ADGRL3: variants seen among roughly 807,000 people sequenced by gnomAD.
The protein encoded by ADGRL3 is calcium-independent alpha-latrotoxin receptor 3.
Under a neutral mutation model 153.5 loss-of-function variants are expected in ADGRL3, and 62 were observed. The observed-to-expected ratio is 0.40, with a 90% CI of 0.33 to 0.50. ADGRL3 has a LOEUF of 0.50. Among genes scored for constraint, ADGRL3 ranks in the 20% least tolerant of loss-of-function variants. ADGRL3 has a pLI of 0.47. For missense variants in ADGRL3, 1,641 were observed against 1,859.4 expected (o/e 0.88, Z 2.16); for synonymous variants, 710 against 672.5 (o/e 1.06, Z -0.86).
At chr4:61,629,721 CAAAAAAAAAAAAAAAAAAAAAAAAAA>C (rs59504485) in intron 5 of ADGRL3, among the ~76,000 whole-genome samples, 26 of 33,446 alleles carry the variant, frequency 7.8e-4, no homozygotes, top group Admixed American at 1.9e-3. Flanking sequence ...CGTCTCGGGG[CAAAAAAAAAAAAAAAAAAAAAAAAAA>C]AAAAAAAAAA....
intron 5 of ADGRL3, among the ~76,000 whole-genome samples, chr4:61,606,674 T>C (rs2099033676): frequency 2.0e-5 from 3 of 152,106 alleles, no homozygotes; most frequent in African/African-American, 7.2e-5. Flanking sequence ...CTTTATTATA[T>C]GAATTTGGGG....
In ADGRL3 at chr4:61,732,830, G is replaced by T; in HGVS notation, c.675G>T (p.Ala225=). Residue 225 remains alanine (A), a synonymous_variant, in exon 8 of 27, where the codon GCG becomes GCT. Coordinates refer to ENST00000683033, the MANE Select transcript of ADGRL3 (RefSeq NM_001387552.1). ...HLFESDHQSG[A]WCKDPLQASD... is the part of the protein sequence containing the mutation. ...TTGAGTCCGACCACCAATCTGGGGCGTGGTGCAAAGACCCTCTGCAGGCAT... is the reference window on the plus strand; with the variant it reads ...TTGAGTCCGACCACCAATCTGGGGCTTGGTGCAAAGACCCTCTGCAGGCAT... 6.2e-7 allele frequency: 1 copy of T among 1,611,828 alleles called. No homozygotes were observed. Among genetic ancestry groups the T allele is most frequent in the South Asian group, 1.1e-5 (1 of 90,682 alleles).
At chr4:61,844,272 G>A (rs769533734) in intron 9 of ADGRL3, among the ~76,000 whole-genome samples, 10 of 151,150 alleles carry the variant, frequency 6.6e-5, no homozygotes, top group Non-Finnish European at 1.5e-4. Flanking sequence ...AGATGGCCAG[G>A]CGCGGTGGCT....
chr4:61,536,819 C>T, intron 4 of ADGRL3, among the ~76,000 whole-genome samples: 1 of 151,952 alleles, frequency 6.6e-6, no homozygotes, highest in East Asian at 1.9e-4. Context: ...AGATGGTAGG[C>T]TCTTTTTTTT....
chr4:61,842,894 A>C (rs1015329210), intron 9 of ADGRL3, among the ~76,000 whole-genome samples: 2 of 152,190 alleles, frequency 1.3e-5, no homozygotes, highest in African/African-American at 2.4e-5. Context: ...CTATATTGGA[A>C]ATTGGAAACA....
At chr4:61,478,061 A>AT (rs895033371) in intron 2 of ADGRL3, among the ~76,000 whole-genome samples, 7 of 152,024 alleles carry the variant, frequency 4.6e-5, no homozygotes, top group Non-Finnish European at 1.0e-4. Flanking sequence ...GTCACGTTTC[A>AT]TTTTTTCTTA....
At chr4:61,736,751 T>G (rs551158205) in intron 8 of ADGRL3, among the ~76,000 whole-genome samples, 1 of 152,332 alleles carries the variant, frequency 6.6e-6, no homozygotes, top group Non-Finnish European at 1.5e-5. Context: ...GTAACTTAAG[T>G]CAGGAGATTG....
chr4:61,642,875 A>G (rs1182855841), intron 5 of ADGRL3, among the ~76,000 whole-genome samples: 7 of 151,992 alleles, frequency 4.6e-5, no homozygotes, highest in Non-Finnish European at 8.8e-5. Context: ...AAATTACCTT[A>G]GGCAGTATGG....
At chr4:61,734,756 C>G (rs1461986375) in intron 8 of ADGRL3, among the ~76,000 whole-genome samples, 2 of 152,198 alleles carry the variant, frequency 1.3e-5, no homozygotes, top group Admixed American at 6.5e-5. Flanking sequence ...ATAGAGGTGT[C>G]TGAATTTTGA....
In ADGRL3 at chr4:61,733,334, T is replaced by G. The variant is rs948784674; in HGVS notation, c.1179T>G (p.Ser393=). Residue 393 remains serine (S), a synonymous_variant, in exon 8 of 27, where the codon TCT becomes TCG. Transcript: ENST00000683033. The stretch of plus-strand genomic sequence containing the variant: ...GTGGAATTCTGTATGTGGTCAAATC[T>G]GTATATGAGGATGATGACAATGAGG... ...MICGILYVVK[S]VYEDDDNEAT... is the part of the protein sequence containing the mutation. 19 of 1,613,574 alleles carry G rather than the reference T, an allele frequency of 1.2e-5. No individual in the cohort carries two copies. The highest frequency in any genetic ancestry group is 1.6e-5 in the Non-Finnish European group (19 of 1,179,804).
intron 13 of ADGRL3, among the ~76,000 whole-genome samples, chr4:61,920,138 G>C: frequency 6.6e-6 from 1 of 152,180 alleles, no homozygotes; most frequent in Non-Finnish European, 1.5e-5. Context: ...CTGAACATAA[G>C]TTTACCTTCA....
intron 5 of ADGRL3, among the ~76,000 whole-genome samples, chr4:61,617,425 A>C (rs898605624): frequency 4.6e-5 from 7 of 150,948 alleles, no homozygotes; most frequent in Non-Finnish European, 8.8e-5. Context: ...ATGGTAAAGT[A>C]AAAAAAACTT....
In ADGRL3 at chr4:61,212,843, AT is replaced by A. The variant is rs892240580; in HGVS notation, c.-240+11087del. Among the ~76,000 whole-genome samples, 121 of 151,494 alleles carry A rather than the reference AT, an allele frequency of 8.0e-4. 1 individual carries two copies. Among genetic ancestry groups the A allele is most frequent in the Middle Eastern group, 3.4e-3 (1 of 292 alleles). On this transcript the variant is annotated intron_variant, in intron 1 of 26. Transcript: ENST00000683033. ...CACTAAAAATTAGTATGCTGTCAAC[AT>A]TTTTTTTTATGATTTGATGTTATTA...
At chr4:61,436,234 C>T (rs987332107) in intron 2 of ADGRL3, among the ~76,000 whole-genome samples, 11 of 152,106 alleles carry the variant, frequency 7.2e-5, no homozygotes, top group Middle Eastern at 3.4e-3. Flanking sequence ...GGTTATAAAA[C>T]ATTGTTCATA....
chr4:61,745,747 G>A (rs1281063030), intron 8 of ADGRL3, among the ~76,000 whole-genome samples: 2 of 152,160 alleles, frequency 1.3e-5, no homozygotes, highest in Non-Finnish European at 2.9e-5. Flanking sequence ...ACCAGCCACT[G>A]CAAAATCATG....
chr4:61,236,013 T>TC (rs532962867), intron 1 of ADGRL3, among the ~76,000 whole-genome samples: 7 of 139,876 alleles, frequency 5.0e-5, no homozygotes, highest in African/African-American at 1.6e-4. Context: ...CTTTTCTTTT[T>TC]TTTTTTTTTT....
chr4:61,947,968 T>C, intron 16 of ADGRL3, 132 bp from the exon 17 acceptor site: 1 of 672,580 alleles, frequency 1.5e-6, no homozygotes, highest in East Asian at 2.7e-5. Context: ...GGCCCACTTA[T>C]GAAACCATTG....
At chr4:61,736,601 C>T (rs552660864) in intron 8 of ADGRL3, among the ~76,000 whole-genome samples, 17 of 152,142 alleles carry the variant, frequency 1.1e-4, no homozygotes, top group African/African-American at 3.6e-4. Context: ...GAGGTTGCAG[C>T]GAGCTGAGGT....
chr4:61,275,960 G>C (rs905073740), intron 1 of ADGRL3, among the ~76,000 whole-genome samples: 1 of 152,070 alleles, frequency 6.6e-6, no homozygotes, highest in Non-Finnish European at 1.5e-5. Context: ...TGTAGCACAG[G>C]CCAAAGAAAG....
Sources: allele counts gnomAD v4.1 joint callset (sites outside exome capture counted in the v4.1 genomes callset), GRCh38; gene constraint gnomAD v4.1.1; transcripts MANE v1.5; gene names NCBI Gene and HGNC (gene_info 2026-07-23, HGNC 2026-07-21).